Variants in PALLD observed in about 807,000 individuals in gnomAD.
The protein encoded by PALLD is palladin.
A neutral mutation model predicts 123.5 loss-of-function variants in PALLD; 61 were observed. That is an observed-to-expected ratio of 0.49 (90% confidence interval 0.40 to 0.61). PALLD has a LOEUF of 0.61. Among genes scored for constraint, PALLD ranks in the 20% least tolerant of loss-of-function variants. PALLD has a pLI of 0.00. For missense variants in PALLD, 1,273 were observed against 1,377.0 expected (o/e 0.92, Z 1.20); for synonymous variants, 465 against 496.4 (o/e 0.94, Z 0.84).
chr4:168,565,363 G>A lies in PALLD; in HGVS notation c.908+52951G>A, dbSNP rs182570305. Among the ~76,000 whole-genome samples the A allele has an allele frequency of 4.1e-3, 618 of 152,266 alleles. 7 individuals carry two copies. The highest frequency in any genetic ancestry group is 0.014 in the African/African-American group (571 of 41,542). On this transcript the variant is annotated intron_variant, in intron 2 of 21. Coordinates refer to ENST00000505667, the MANE Select transcript of PALLD (RefSeq NM_001166108.2). ...AGACCATTCCATGCTCTCGGCACAA[G>A]TAATTACACATGTGATGAGTGCAGC...
intron 2 of PALLD, among the ~76,000 whole-genome samples, chr4:168,651,282 C>T (rs925315324): frequency 1.3e-5 from 2 of 152,140 alleles, no homozygotes; most frequent in Admixed American, 6.6e-5. Flanking sequence ...GTTCTTTTAG[C>T]TTTTAACATT....
intron 2 of PALLD, 128 bp from the exon 3 acceptor site, chr4:168,668,062 A>G: frequency 1.3e-6 from 1 of 754,608 alleles, no homozygotes; most frequent in South Asian, 1.5e-5. Context: ...TAACACTGAC[A>G]TTGTTTTTTT....
intron 10 of PALLD, among the ~76,000 whole-genome samples, chr4:168,808,850 C>T (rs778775192): frequency 2.0e-5 from 3 of 152,224 alleles, no homozygotes; most frequent in African/African-American, 4.8e-5. Context: ...TATCTCCCAC[C>T]GGATCCCTCC....
At chr4:168,850,367 C>G in intron 10 of PALLD, among the ~76,000 whole-genome samples, 1 of 151,860 alleles carries the variant, frequency 6.6e-6, no homozygotes, top group Non-Finnish European at 1.5e-5. Context: ...TATGGTATGT[C>G]CAGGCCTGCA....
intron 2 of PALLD, among the ~76,000 whole-genome samples, chr4:168,651,913 CAACT>C (rs956963671): frequency 6.6e-6 from 1 of 152,126 alleles, no homozygotes; most frequent in Admixed American, 6.5e-5. Context: ...TCTGTACAAC[CAACT>C]GAGGGACTGG....
intron 2 of PALLD, among the ~76,000 whole-genome samples, chr4:168,630,571 T>C (rs1042420726): frequency 1.3e-5 from 2 of 152,242 alleles, no homozygotes; most frequent in Non-Finnish European, 2.9e-5. Flanking sequence ...ATCTCTACTA[T>C]TGACCTCTCA....
chr4:168,911,307 C>T (rs1758893992), intron 15 of PALLD, among the ~76,000 whole-genome samples: 1 of 152,198 alleles, frequency 6.6e-6, no homozygotes, highest in Non-Finnish European at 1.5e-5. Context: ...CTGAATTTAA[C>T]TTACATTATA....
chr4:168,704,982 T>C (rs1784090813), intron 8 of PALLD, among the ~76,000 whole-genome samples: 2 of 152,178 alleles, frequency 1.3e-5, no homozygotes, highest in Admixed American at 6.5e-5. Context: ...AAACTTTTAA[T>C]TTTTAATTGC....
chr4:168,646,640 C>T (rs553303952), intron 2 of PALLD, among the ~76,000 whole-genome samples: 1 of 152,344 alleles, frequency 6.6e-6, no homozygotes, highest in African/African-American at 2.4e-5. Flanking sequence ...ACAGCCACCA[C>T]ACAGCTTGGG....
intron 2 of PALLD, among the ~76,000 whole-genome samples, chr4:168,652,856 CCAG>C (rs1778187926): frequency 6.6e-6 from 1 of 152,150 alleles, no homozygotes; most frequent in Non-Finnish European, 1.5e-5. Flanking sequence ...CTGGAAATCT[CCAG>C]CATTATCTTA....
intron 10 of PALLD, among the ~76,000 whole-genome samples, chr4:168,728,012 A>G (rs941459418): frequency 6.6e-6 from 1 of 152,018 alleles, no homozygotes; most frequent in African/African-American, 2.4e-5. Context: ...CAAAGATCAA[A>G]TGGTTGTTTG....
At position 168,748,927 on chromosome 4, in the gene PALLD, T is replaced by C. The variant is rs75490891; in HGVS notation, c.1964+37004T>C. On this transcript the variant is annotated intron_variant, in intron 10 of 21. Transcript: ENST00000505667. ...CTAAGATGGTGTCATATATGTCATATAACATAATCATGGGAGTGACCTTCC... is the reference window on the plus strand; with the variant it reads ...CTAAGATGGTGTCATATATGTCATACAACATAATCATGGGAGTGACCTTCC... Among the ~76,000 whole-genome samples, 653 of 152,304 alleles carry C rather than the reference T, an allele frequency of 4.3e-3. 1 individual carries two copies. Among genetic ancestry groups the C allele is most frequent in the African/African-American group, 0.015 (607 of 41,564 alleles).
intron 2 of PALLD, among the ~76,000 whole-genome samples, chr4:168,526,941 G>C (rs560973093): frequency 3.9e-4 from 60 of 152,314 alleles, no homozygotes; most frequent in South Asian, 2.9e-3. Context: ...AGAAAAGGCA[G>C]AGCTGGTGAT....
At chr4:168,615,157 A>C (rs979707786) in intron 2 of PALLD, among the ~76,000 whole-genome samples, 5 of 99,770 alleles carry the variant, frequency 5.0e-5, no homozygotes, top group Admixed American at 4.5e-4. Flanking sequence ...GAAAGATGGT[A>C]AGTTAAAAAA....
intron 10 of PALLD, among the ~76,000 whole-genome samples, chr4:168,769,828 C>A (rs1273223691): frequency 6.6e-6 from 1 of 152,138 alleles, no homozygotes; most frequent in East Asian, 1.9e-4. Context: ...TGATATTTTT[C>A]ATTTCAAAGC....
intron 10 of PALLD, among the ~76,000 whole-genome samples, chr4:168,725,380 G>A (rs1233582008): frequency 6.6e-6 from 1 of 151,750 alleles, no homozygotes; most frequent in Non-Finnish European, 1.5e-5. Context: ...TTGTTTCTTT[G>A]TTAAAATAGT....
chr4:168,629,897 C>G (rs965543068), intron 2 of PALLD, among the ~76,000 whole-genome samples: 1 of 152,156 alleles, frequency 6.6e-6, no homozygotes, highest in African/African-American at 2.4e-5. Flanking sequence ...CACAAGCAAG[C>G]AGGACCAGTA....
intron 1 of PALLD, chr4:168,507,448 A>C (rs964772926): frequency 2.7e-5 from 5 of 187,786 alleles, no homozygotes; most frequent in African/African-American, 1.2e-4. Flanking sequence ...CGGCTGGGAA[A>C]GAAAATACTT....
At chr4:168,572,911 A>G (rs576348257) in intron 2 of PALLD, among the ~76,000 whole-genome samples, 11 of 147,952 alleles carry the variant, frequency 7.4e-5, no homozygotes, top group African/African-American at 2.7e-4. Context: ...ACCCACCAGC[A>G]CAGGTGGTTG....
Sources: allele counts gnomAD v4.1 joint callset (sites outside exome capture counted in the v4.1 genomes callset), GRCh38; gene constraint gnomAD v4.1.1; transcripts MANE v1.5; gene names NCBI Gene and HGNC (gene_info 2026-07-23, HGNC 2026-07-21).